MS4A18: variants seen among roughly 807,000 people sequenced by gnomAD.
MS4A18 encodes membrane spanning 4-domains A18, also known as membrane-spanning 4-domains subfamily A member 18.
Under a neutral mutation model 13.1 loss-of-function variants are expected in MS4A18, and 27 were observed. The observed-to-expected ratio is 2.06, with a 90% CI of 1.52 to 2.84. The LOEUF (loss-of-function observed/expected upper bound fraction) is 2.84. Among genes scored for constraint, MS4A18 ranks in the 30% most tolerant of loss-of-function variants. The pLI is 0.00. For missense variants in MS4A18, 307 were observed against 196.4 expected (o/e 1.56, Z -3.37); for synonymous variants, 126 against 76.5 (o/e 1.65, Z -3.38).
At chr11:60,728,434 C>G (rs923266096), upstream of MS4A18, among the ~76,000 whole-genome samples, 3 of 147,854 alleles carry the variant, frequency 2.0e-5, no homozygotes, top group Non-Finnish European at 4.5e-5. Context: ...GTGTGTGTAT[C>G]TGTGTGTGTG....
upstream of MS4A18, among the ~76,000 whole-genome samples, chr11:60,724,818 G>T (rs765758997): frequency 3.9e-5 from 6 of 152,148 alleles, no homozygotes; most frequent in Admixed American, 1.3e-4. Context: ...GAATTCTTCC[G>T]CAAGACTCTG....
exon 6 of MS4A18, chr11:60,743,953 C>T (rs756732864): frequency 1.3e-5 from 9 of 703,094 alleles, no homozygotes; most frequent in South Asian, 1.2e-4. Context: ...CAATGCTATC[C>T]ACACCAGCAA....
At chr11:60,729,845 C>T (rs1853227171) in intron 1 of MS4A18, 59 bp downstream of exon 2, 4 of 644,986 alleles carry the variant, frequency 6.2e-6, no homozygotes, top group African/African-American at 3.6e-5. Context: ...TCGTCTAGTG[C>T]TCTGGGATGA....
chr11:60,726,697 T>A (rs553825892), upstream of MS4A18, among the ~76,000 whole-genome samples: 1 of 151,748 alleles, frequency 6.6e-6, no homozygotes, highest in East Asian at 1.9e-4. Flanking sequence ...GCCCCTCTCT[T>A]TTTTAAGATT....
intron 3 of MS4A18, among the ~76,000 whole-genome samples, chr11:60,738,697 C>T (rs1853376697): frequency 6.6e-6 from 1 of 151,930 alleles, no homozygotes; most frequent in South Asian, 2.1e-4. Context: ...GGACTTGTAC[C>T]CATGAACTTA....
rs11230456 is a variant in MS4A18 at position 60,729,505 on chromosome 11, G to A, written c.190G>A (p.Val64Met). ...AAGAGCAAACTTACAGAATCTACTC[G>A]TGGTGAACCAGAACTCAGCAGCAGG... The change falls in exon 1 of 6, where the codon GTG (valine) becomes ATG (methionine). Residue 64 changes from valine (V) to methionine (M), a missense_variant. Physicochemically the swap from Val to Met is conservative, Grantham distance 21 (BLOSUM62 1). Coordinates refer to ENST00000529108, the Ensembl canonical transcript of MS4A18. The A allele has an allele frequency of 5.0e-3, 3,519 of 702,776 alleles. 72 individuals carry two copies. In the East Asian group the frequency reaches 0.051, roughly 10 times the overall value. 43.5% of individuals were successfully genotyped at this position (702,776 alleles called of 1,614,324 possible). A position where few individuals can be genotyped will look rare whatever the true frequency, so the allele number is the denominator to read the frequency against.
chr11:60,736,246 C>T (rs1853337471), intron 2 of MS4A18, among the ~76,000 whole-genome samples: 1 of 151,744 alleles, frequency 6.6e-6, no homozygotes, highest in Non-Finnish European at 1.5e-5. Flanking sequence ...ATAGAGAGGG[C>T]TGGAATCATT....
chr11:60,734,774 C>A (rs1183020394), intron 2 of MS4A18, among the ~76,000 whole-genome samples: 1 of 149,522 alleles, frequency 6.7e-6, no homozygotes, highest in Non-Finnish European at 1.5e-5. Flanking sequence ...ATTTTCTTTT[C>A]TTTTCTTTTC....
At chr11:60,743,463 T>C (rs569232304) in intron 5 of MS4A18, among the ~76,000 whole-genome samples, 187 bp from the exon 7 acceptor site, 1 of 152,176 alleles carries the variant, frequency 6.6e-6, no homozygotes, top group Non-Finnish European at 1.5e-5. Context: ...CAAGCTCCAA[T>C]GGGCAGACAC....
Position 60,729,827 on chromosome 11 carries a change from A to C in MS4A18, c.477+35A>C, listed in dbSNP as rs892716403. The C allele has an allele frequency of 1.5e-5, 10 of 663,790 alleles. No individual in the cohort carries two copies. The Admixed American group carries it at 1.7e-4, about 11-fold the overall frequency. 41.1% of individuals were successfully genotyped at this position (663,790 alleles called of 1,614,324 possible). On this transcript the variant is annotated intron_variant, in intron 1 of 5. Transcript: ENST00000529108. ...CCTTCTCTCCGATTTGGGTCACTTC[A>C]TAAGCCCTCGTCTAGTGCTCTGGGA...
intron 5 of MS4A18, among the ~76,000 whole-genome samples, chr11:60,741,516 G>T (rs1293761992): frequency 1.3e-5 from 2 of 152,070 alleles, no homozygotes; most frequent in African/African-American, 2.4e-5. Flanking sequence ...GGTTCCAAGA[G>T]TAGCAAGACA....
At chr11:60,727,656 T>C (rs1413756133), upstream of MS4A18, among the ~76,000 whole-genome samples, 1 of 152,174 alleles carries the variant, frequency 6.6e-6, no homozygotes, top group African/African-American at 2.4e-5. Context: ...GCACACGTTA[T>C]TTTGTGCCAT....
upstream of MS4A18, among the ~76,000 whole-genome samples, chr11:60,727,581 G>T (rs904260052): frequency 1.3e-5 from 2 of 152,176 alleles, no homozygotes; most frequent in Non-Finnish European, 2.9e-5. Context: ...GGGACAGGGG[G>T]ATCAATTTAT....
Position 60,738,836 on chromosome 11 carries a change from C to T in MS4A18, c.649-66C>T, listed in dbSNP as rs1478605984. 7 of 689,682 alleles carry T rather than the reference C, an allele frequency of 1.0e-5. No homozygotes were observed. In the East Asian group the frequency reaches 1.6e-4, roughly 16 times the overall value. 42.7% of individuals were successfully genotyped at this position (689,682 alleles called of 1,614,324 possible). The stretch of plus-strand genomic sequence containing the variant: ...CTCTCTTCTCCGACTTCCCAAGAGT[C>T]CCCACAAGCCAGGCTTCAGACTCTT... On this transcript the variant is annotated intron_variant, in intron 3 of 5. Transcript: ENST00000529108.
At chr11:60,740,760 G>C (rs1253831394) in intron 4 of MS4A18, among the ~76,000 whole-genome samples, 1 of 152,200 alleles carries the variant, frequency 6.6e-6, no homozygotes, top group African/African-American at 2.4e-5. Context: ...CTGGAACTTT[G>C]AGCCTGTGCA....
At chr11:60,726,570 C>T (rs901969392), upstream of MS4A18, among the ~76,000 whole-genome samples, 2 of 152,000 alleles carry the variant, frequency 1.3e-5, no homozygotes, top group Non-Finnish European at 2.9e-5. Context: ...TTTGACTTTC[C>T]GACAAGTTCC....
At chr11:60,735,727 A>G (rs1853329673) in intron 2 of MS4A18, among the ~76,000 whole-genome samples, 1 of 135,958 alleles carries the variant, frequency 7.4e-6, no homozygotes. Flanking sequence ...ACAGTGGCAC[A>G]ATCTTGGCTC....
chr11:60,731,149 A>C (rs1165049946), intron 1 of MS4A18, among the ~76,000 whole-genome samples: 1 of 152,202 alleles, frequency 6.6e-6, no homozygotes, highest in Non-Finnish European at 1.5e-5. Context: ...GTGAGATTAT[A>C]AATGTGTGCG....
intron 5 of MS4A18, among the ~76,000 whole-genome samples, chr11:60,742,139 A>T (rs1362120386): frequency 6.6e-6 from 1 of 152,184 alleles, no homozygotes; most frequent in East Asian, 1.9e-4. Flanking sequence ...GACTCTGCCC[A>T]TGCCATTGTT....
Sources: allele counts gnomAD v4.1 joint callset (sites outside exome capture counted in the v4.1 genomes callset), GRCh38; gene constraint gnomAD v4.1.1; transcripts MANE v1.5; gene names NCBI Gene and HGNC (gene_info 2026-07-23, HGNC 2026-07-21).